NCAM2: variants seen among roughly 807,000 people sequenced by gnomAD.
The protein encoded by NCAM2 is neural cell adhesion molecule 2.
A neutral mutation model predicts 98.1 loss-of-function variants in NCAM2; 30 were observed. That is an observed-to-expected ratio of 0.31 (90% CI 0.23 to 0.41). The LOEUF (loss-of-function observed/expected upper bound fraction) is 0.41, where lower values mean the gene tolerates loss of function less well. NCAM2 is among the 10% of genes least tolerant of loss of function. NCAM2 has a pLI of 1.00. For synonymous variants in NCAM2, 368 were observed against 342.4 expected (o/e 1.07, Z -0.83); for missense variants, 867 against 1,005.8 (o/e 0.86, Z 1.87).
chr21:21,219,955 TAA>T (rs1455348953), intron 1 of NCAM2, among the ~76,000 whole-genome samples: 1 of 151,934 alleles, frequency 6.6e-6, no homozygotes, highest in Non-Finnish European at 1.5e-5. Context: ...AAAAGAACTT[TAA>T]AAGTAGAAAA....
chr21:21,339,553 C>T (rs1240329850), intron 8 of NCAM2, among the ~76,000 whole-genome samples: 1 of 151,904 alleles, frequency 6.6e-6, no homozygotes, highest in Non-Finnish European at 1.5e-5. Context: ...CTTTTCTCTA[C>T]TCAGTGTTAA....
At chr21:21,206,786 A>G (rs2069453395) in intron 1 of NCAM2, among the ~76,000 whole-genome samples, 2 of 152,154 alleles carry the variant, frequency 1.3e-5, no homozygotes, top group South Asian at 2.1e-4. Context: ...AGCCTTATTA[A>G]TTAAAGGATG....
chr21:21,530,148 A>T (rs1017840836), intron 16 of NCAM2, among the ~76,000 whole-genome samples: 12 of 142,644 alleles, frequency 8.4e-5, no homozygotes, highest in Admixed American at 4.3e-4. Flanking sequence ...ATTTAATTTA[A>T]TTATATATGA....
At chr21:21,317,591 GAC>G (rs1212118259) in intron 5 of NCAM2, among the ~76,000 whole-genome samples, 26 of 151,888 alleles carry the variant, frequency 1.7e-4, no homozygotes, top group African/African-American at 5.6e-4. Flanking sequence ...ACCAGGCAGT[GAC>G]ACAATCACAG....
chr21:21,169,997 T>A (rs1051228345), intron 1 of NCAM2, among the ~76,000 whole-genome samples: 1 of 152,022 alleles, frequency 6.6e-6, no homozygotes, highest in Non-Finnish European at 1.5e-5. Context: ...AATAAGCATA[T>A]GAAAAGATAT....
At chr21:21,237,949 C>CTTTT (rs71195313) in intron 1 of NCAM2, among the ~76,000 whole-genome samples, 1,445 of 114,220 alleles carry the variant, frequency 0.013, 54 homozygotes, top group Middle Eastern at 0.018. Context: ...CATTGTAATT[C>CTTTT]TTTTTTTTTT....
intron 9 of NCAM2, among the ~76,000 whole-genome samples, chr21:21,391,189 G>A (rs960185512): frequency 3.9e-5 from 6 of 151,952 alleles, no homozygotes; most frequent in Non-Finnish European, 5.9e-5. Context: ...CCCATCTCAA[G>A]TAATAATAGT....
intron 1 of NCAM2, among the ~76,000 whole-genome samples, chr21:21,203,435 T>G (rs59695507): frequency 0.012 from 1,903 of 152,284 alleles, 46 homozygotes; most frequent in African/African-American, 0.044. Flanking sequence ...ACACCTGGAT[T>G]TAATGGCATT....
chr21:21,308,144 C>T (rs908762640), intron 5 of NCAM2, among the ~76,000 whole-genome samples: 4 of 151,972 alleles, frequency 2.6e-5, no homozygotes, highest in Admixed American at 1.3e-4. Flanking sequence ...TAAATTATTA[C>T]ATTAAAATTA....
At chr21:21,325,052 T>C (rs1237964981) in intron 6 of NCAM2, among the ~76,000 whole-genome samples, 1 of 152,138 alleles carries the variant, frequency 6.6e-6, no homozygotes, top group Non-Finnish European at 1.5e-5. Context: ...TTTAGAATTT[T>C]AAAATACTAT....
intron 9 of NCAM2, among the ~76,000 whole-genome samples, chr21:21,384,914 C>T (rs1292564745): frequency 6.6e-6 from 1 of 151,920 alleles, no homozygotes; most frequent in Admixed American, 6.6e-5. Context: ...GGTTAGATAA[C>T]CATTTGGAAT....
chr21:21,460,236 G>C (rs1236039694), intron 12 of NCAM2, among the ~76,000 whole-genome samples: 1 of 151,688 alleles, frequency 6.6e-6, no homozygotes, highest in Non-Finnish European at 1.5e-5. Context: ...TTACTACAAA[G>C]TGCTCTCTGT....
chr21:21,349,332 C>G (rs1319221086), intron 8 of NCAM2, among the ~76,000 whole-genome samples: 1 of 152,026 alleles, frequency 6.6e-6, no homozygotes, highest in African/African-American at 2.4e-5. Flanking sequence ...AAAAGGTGCT[C>G]AATGTCATGG....
intron 15 of NCAM2, among the ~76,000 whole-genome samples, chr21:21,497,867 A>C (rs969330230): frequency 1.3e-5 from 2 of 152,170 alleles, no homozygotes; most frequent in African/African-American, 4.8e-5. Context: ...AAACATATAT[A>C]AATAAGCATT....
chr21:21,418,416 T>G, intron 10 of NCAM2, 57 bp from the exon 11 acceptor site: 2 of 1,292,158 alleles, frequency 1.5e-6, no homozygotes, highest in South Asian at 2.4e-5. Context: ...CTGGGGTTTA[T>G]TATAAAACTT....
intron 1 of NCAM2, among the ~76,000 whole-genome samples, chr21:21,141,219 G>A (rs1480763343): frequency 1.3e-5 from 2 of 152,148 alleles, no homozygotes; most frequent in Admixed American, 1.3e-4. Context: ...CTACAGGTAC[G>A]TGTAAACAAA....
intron 1 of NCAM2, among the ~76,000 whole-genome samples, chr21:21,125,655 G>T (rs1243186026): frequency 1.2e-4 from 16 of 133,102 alleles, no homozygotes; most frequent in East Asian, 2.1e-4. Flanking sequence ...TGTATATGTA[G>T]AGATATATAT....
chr21:21,154,504 T>A (rs577497240), intron 1 of NCAM2, among the ~76,000 whole-genome samples: 4 of 152,006 alleles, frequency 2.6e-5, no homozygotes, highest in East Asian at 1.9e-4. Context: ...ATAGATAAAA[T>A]GATATGGTAT....
intron 1 of NCAM2, among the ~76,000 whole-genome samples, chr21:21,221,869 T>TA (rs1335798599): frequency 2.0e-5 from 3 of 152,130 alleles, no homozygotes; most frequent in Non-Finnish European, 4.4e-5. Flanking sequence ...AGATACCATC[T>TA]ATGTGACTTT....
Sources: gnomAD v4.1 joint callset for allele counts (sites outside exome capture counted in the v4.1 genomes callset) on GRCh38, gnomAD v4.1.1 for gene constraint, MANE v1.5 for transcripts, NCBI Gene and HGNC (gene_info 2026-07-23, HGNC 2026-07-21) for gene names.